EVC2: variants seen among roughly 807,000 people sequenced by gnomAD.
EVC2 encodes EvC ciliary complex subunit 2.
EVC2 carries 148 observed loss-of-function variants against 149.3 expected under a neutral mutation model. That is an observed-to-expected ratio of 0.99 (90% CI 0.87 to 1.14). The LOEUF is 1.14. Ranked by LOEUF, EVC2 falls within the 50% of genes most tolerant of loss-of-function variation. The probability of loss-of-function intolerance (pLI) is 0.00; values close to 1 mark genes in which losing one functional copy is unlikely to be tolerated. For synonymous variants in EVC2, 776 were observed against 649.9 expected (o/e 1.19, Z -2.95); for missense variants, 1,854 against 1,627.3 (o/e 1.14, Z -2.40).
rs116962771 is a variant in EVC2, at chr4:5,629,198, C to A, written c.1711-464G>T. ...CAAAGAAAGCAAGAAGGTTTTTCCTCAGCCTACAAAATGAACAAAACGTAA... is the reference window on the plus strand; with the variant it reads ...CAAAGAAAGCAAGAAGGTTTTTCCTAAGCCTACAAAATGAACAAAACGTAA... On this transcript the variant is annotated intron_variant, in intron 11 of 21. Transcript: ENST00000344408. 3.5e-4 allele frequency among the ~76,000 whole-genome samples: 54 copies of A among 152,332 alleles called. 1 individual carries two copies. The East Asian group carries it at 9.1e-3, about 26-fold the overall frequency.
chr4:5,628,022 G>A (rs1716242457), intron 12 of EVC2, among the ~76,000 whole-genome samples: 1 of 152,178 alleles, frequency 6.6e-6, no homozygotes, highest in Non-Finnish European at 1.5e-5. Context: ...AACAGTCTAT[G>A]TCTAGACTAT....
Position 5,641,880 on chromosome 4 carries a change from A to G in EVC2, c.1146-1042T>C, listed in dbSNP as rs1040999202. ...GGTGGTTGCTGCACCTATCAACCCG[A>G]TATCTAGGTTTTAAGCTCCTCAGGC... On this transcript the variant is annotated intron_variant, in intron 9 of 21. Transcript: ENST00000344408. 2.0e-5 allele frequency among the ~76,000 whole-genome samples: 3 copies of G among 152,026 alleles called. No individual in the cohort carries two copies. The South Asian group carries it at 6.2e-4, about 32-fold the overall frequency.
At chr4:5,702,502 T>C (rs1171674733) in intron 1 of EVC2, among the ~76,000 whole-genome samples, 1 of 152,132 alleles carries the variant, frequency 6.6e-6, no homozygotes, top group South Asian at 2.1e-4. Context: ...CACTGCCTCC[T>C]CCCCTTCTGA....
Position 5,618,593 on chromosome 4 carries a change from C to T in EVC2, c.2591G>A (p.Arg864Lys), listed in dbSNP as rs369531662. The stretch of plus-strand genomic sequence containing the variant: ...CCGGATCTTGGGGAGGGCCAAGCTC[C>T]TGTCCATCTGAGCAAAGCAGCCATG... ...EVHGCFAQMD[R>K]SLALPKIRAR... is the part of the protein sequence containing the mutation. Residue 864 changes from arginine to lysine, a missense_variant, in exon 15 of 22, where the codon AGG becomes AAG. By Grantham distance (26) the Arg-to-Lys change is conservative. Coordinates refer to ENST00000344408, the MANE Select transcript of EVC2 (RefSeq NM_147127.5). The surrounding 1 kb of genome is among the most constrained non-coding windows in gnomAD (Gnocchi z 4.4). The T allele has an allele frequency of 5.4e-5, 87 of 1,614,062 alleles. No homozygotes were observed. In the African/African-American group the frequency reaches 1.1e-3, roughly 20 times the overall value.
chr4:5,665,909 C>T (rs139970496), intron 7 of EVC2, among the ~76,000 whole-genome samples: 113 of 152,246 alleles, frequency 7.4e-4, no homozygotes, highest in African/African-American at 2.3e-3. Context: ...TCCAGCCGCA[C>T]GCCTAGCACA....
intron 6 of EVC2, among the ~76,000 whole-genome samples, chr4:5,684,294 T>TTTTTG (rs1327620837): frequency 2.0e-5 from 3 of 152,208 alleles, no homozygotes; most frequent in African/African-American, 4.8e-5. Context: ...TATCTAAGGT[T>TTTTTG]TTTTGTTTTG....
At chr4:5,603,241 T>C (rs1462327031) in intron 16 of EVC2, among the ~76,000 whole-genome samples, 4 of 152,102 alleles carry the variant, frequency 2.6e-5, no homozygotes, top group East Asian at 1.9e-4. Context: ...CTGAATTTTA[T>C]TGGGGTCAGT....
chr4:5,584,518 A>G lies in EVC2; in HGVS notation c.3057+105T>C. The G allele has an allele frequency of 7.7e-6, 9 of 1,172,908 alleles. No homozygotes were observed. The South Asian group carries it at 1.2e-4, about 15-fold the overall frequency. 72.7% of individuals were successfully genotyped at this position (1,172,908 alleles called of 1,614,324 possible). A position where few individuals can be genotyped will look rare whatever the true frequency, so the allele number is the denominator to read the frequency against. On this transcript the variant is annotated intron_variant, in intron 17 of 21. Transcript: ENST00000344408. ...TTAATCCTCACCACAACCCCACAGC[A>G]CAGACAGGACGGGGGTTGCAGCCTG... is the stretch of plus-strand genomic sequence containing the variant.
chr4:5,680,026 C>A (rs1720237196), intron 7 of EVC2, among the ~76,000 whole-genome samples: 1 of 152,176 alleles, frequency 6.6e-6, no homozygotes, highest in South Asian at 2.1e-4. Flanking sequence ...TGCACAGCAT[C>A]AGGATCATCA....
At chr4:5,548,565 G>C (rs989206634) in intron 21 of EVC2, among the ~76,000 whole-genome samples, 5 of 151,936 alleles carry the variant, frequency 3.3e-5, no homozygotes, top group African/African-American at 1.2e-4. Context: ...CTGATGCAGA[G>C]AGTGTCTGCA....
rs1716684359 is a variant in EVC2 at position 5,633,296 on chromosome 4, A to G, written c.1471-1264T>C. On this transcript the variant is annotated intron_variant, in intron 10 of 21. Coordinates refer to ENST00000344408, the MANE Select transcript of EVC2 (RefSeq NM_147127.5). This position sits in a 1 kb window ranked among gnomAD's most constrained non-coding sequence, Gnocchi z 4.4. ...AGAATGCAGCTCAGCCAAGACCCTG[A>G]TTGCCAGCCTGCAACATCCTGAGCA... Among the ~76,000 whole-genome samples, 1 of 152,194 alleles carries G rather than the reference A, an allele frequency of 6.6e-6. No individual in the cohort carries two copies. The highest frequency in any genetic ancestry group is 1.5e-5 in the Non-Finnish European group (1 of 68,046).
At chr4:5,642,379 T>C (rs1481227473) in intron 9 of EVC2, among the ~76,000 whole-genome samples, 5 of 96,986 alleles carry the variant, frequency 5.2e-5, no homozygotes, top group African/African-American at 1.7e-4. Flanking sequence ...TTTATCCTCT[T>C]TTTTTCCCCA....
At chr4:5,609,591 A>T (rs2108820606) in intron 16 of EVC2, among the ~76,000 whole-genome samples, 1 of 152,298 alleles carries the variant, frequency 6.6e-6, no homozygotes, top group East Asian at 1.9e-4. Context: ...GGGAAAGAAG[A>T]CGAGCACTAC....
rs1430962566 is a variant in EVC2 at position 5,708,451 on chromosome 4, C to CA, written c.62dup (p.Ala22GlyfsTer34). The stretch of plus-strand genomic sequence containing the variant: ...AGCCTCGGCCCCCCAGCGCCAGGGC[C>CA]ACTGCCAGGAGACCCCCGGCCAGCA... On this transcript the variant is annotated frameshift_variant, in exon 1 of 22. Transcript: ENST00000344408. LOFTEE classifies it high-confidence loss of function. 3 of 1,507,036 alleles carry CA rather than the reference C, an allele frequency of 2.0e-6. No homozygotes were observed. The highest frequency in any genetic ancestry group is 2.6e-6 in the Non-Finnish European group (3 of 1,135,498). 93.4% of individuals were successfully genotyped at this position (1,507,036 alleles called of 1,614,324 possible). A position where few individuals can be genotyped will look rare whatever the true frequency, so the allele number is the denominator to read the frequency against.
chr4:5,535,623 G>GAGAGAGAGAGAGAGAGAA, the EVC2 span, among the ~76,000 whole-genome samples: 1 of 151,128 alleles, frequency 6.6e-6, no homozygotes, highest in South Asian at 2.1e-4. The surrounding 1 kb of genome is among the most constrained non-coding windows in gnomAD (Gnocchi z 4.7). Context: ...GAGAGAGAGA[G>GAGAGAGAGAGAGAGAGAA]AGAGAGAGAG....
At chr4:5,588,522 A>G (rs1375938519) in intron 16 of EVC2, among the ~76,000 whole-genome samples, 1 of 152,036 alleles carries the variant, frequency 6.6e-6, no homozygotes, top group Non-Finnish European at 1.5e-5. Context: ...AGGAATTCCA[A>G]TTACCCACAC....
intron 16 of EVC2, among the ~76,000 whole-genome samples, chr4:5,593,559 C>T (rs942654204): frequency 4.6e-5 from 7 of 152,174 alleles, no homozygotes; most frequent in Admixed American, 2.6e-4. Flanking sequence ...TATAAATGTG[C>T]ATTTGAAGAT....
At chr4:5,626,500 T>A (rs1357494053) in intron 12 of EVC2, among the ~76,000 whole-genome samples, 2 of 151,770 alleles carry the variant, frequency 1.3e-5, no homozygotes, top group Non-Finnish European at 1.5e-5. Context: ...CGCCAGCTAA[T>A]TTTTTTTGTA....
Position 5,554,453 on chromosome 4 carries a change from G to C in EVC2, c.3419+10805C>G, listed in dbSNP as rs577663911. Among the ~76,000 whole-genome samples, 34 of 152,314 alleles carry C rather than the reference G, an allele frequency of 2.2e-4. No homozygotes were observed. In the South Asian group the frequency reaches 6.2e-3, roughly 28 times the overall value. ...TTAGGGAGTCCCTCACACTTTGTTT[G>C]GTTTTACCTATAGCAACCTCACCAG... On this transcript the variant is annotated intron_variant and NMD_transcript_variant, in intron 21 of 22. Transcript: ENST00000475313.
Sources: allele counts gnomAD v4.1 joint callset (sites outside exome capture counted in the v4.1 genomes callset), GRCh38; gene constraint gnomAD v4.1.1; non-coding constraint Gnocchi (gnomAD v3.1); transcripts MANE v1.5; gene names NCBI Gene and HGNC (gene_info 2026-07-23, HGNC 2026-07-21).